ALMS1: variants seen among roughly 807,000 people sequenced by gnomAD.
ALMS1 encodes centrosome-associated protein ALMS1.
ALMS1 carries 271 observed loss-of-function variants against 352.2 expected under a neutral mutation model. That is an observed-to-expected ratio of 0.77 (90% CI 0.70 to 0.85). The LOEUF is 0.85. Among genes scored for constraint, ALMS1 ranks in the 40% least tolerant of loss-of-function variants. The pLI is 0.00. For synonymous variants in ALMS1, 1,865 were observed against 1,761.2 expected, an observed-to-expected ratio of 1.06 and a Z score of -1.48; for missense variants, 5,445 against 4,870.7, an observed-to-expected ratio of 1.12 and a Z score of -3.51.
chr2:73,509,858 C>T (rs1673413116), intron 10 of ALMS1, among the ~76,000 whole-genome samples: 1 of 152,164 alleles, frequency 6.6e-6, no homozygotes, highest in Non-Finnish European at 1.5e-5. Flanking sequence ...GAGTGTTTTC[C>T]AACTTGGTTC....
Position 73,449,424 on chromosome 2 carries a change from A to C in ALMS1, c.2897A>C (p.Gln966Pro). ...SHSEKSSVFYQQELPDSDLPR... is the reference protein window; with the variant it reads ...SHSEKSSVFYPQELPDSDLPR... ...AGCGAGAAATCTAGTGTTTTCTACC[A>C]GCAAGAGTTGCCAGACAGTGATCTA... The change falls in exon 8 of 23, where the codon CAG becomes CCG. Residue 966 changes from glutamine (Q) to proline (P), a missense_variant. Gln to Pro is a moderately conservative substitution (Grantham distance 76). Transcript: ENST00000613296. 1.2e-6 allele frequency: 2 copies of C among 1,614,084 alleles called. No homozygotes were observed. Among genetic ancestry groups the C allele is most frequent in the Non-Finnish European group, 1.7e-6 (2 of 1,179,980 alleles).
intron 9 of ALMS1, among the ~76,000 whole-genome samples, chr2:73,482,203 T>G (rs1474366908): frequency 1.3e-5 from 2 of 152,246 alleles, no homozygotes; most frequent in African/African-American, 4.8e-5. Flanking sequence ...AGTATGATAT[T>G]GGCTGTGGGT....
At chr2:73,418,546 C>T (rs1276656111) in intron 2 of ALMS1, among the ~76,000 whole-genome samples, 5 of 152,242 alleles carry the variant, frequency 3.3e-5, no homozygotes, top group Non-Finnish European at 7.3e-5. Context: ...AAAAATTTCC[C>T]AGGCAGCTGC....
rs1370649660 is a variant in ALMS1 at position 73,451,878 on chromosome 2, A to C, written c.5351A>C (p.Lys1784Thr). 2 of 1,613,714 alleles carry C rather than the reference A, an allele frequency of 1.2e-6. No homozygotes were observed. The highest frequency in any genetic ancestry group is 1.7e-5 in the Admixed American group (1 of 59,996). Residue 1784 changes from lysine to threonine, a missense_variant, in exon 8 of 23, where the codon AAA becomes ACA. Transcript: ENST00000613296. ...PDSHLTEEAL[K>T]VSNVPGPADQ... ...AGTCATCTAACTGAAGAGGCTCTGAAAGTTTCAAATGTTCCTGGACCAGCT... is the reference window on the plus strand; with the variant it reads ...AGTCATCTAACTGAAGAGGCTCTGACAGTTTCAAATGTTCCTGGACCAGCT...
chr2:73,405,534 G>T (rs563389107), intron 1 of ALMS1, among the ~76,000 whole-genome samples: 1 of 151,282 alleles, frequency 6.6e-6, no homozygotes, highest in African/African-American at 2.4e-5. Flanking sequence ...ATAACTATTG[G>T]TTTTCTTGAT....
At chr2:73,598,726 A>T (rs1478263874) in intron 16 of ALMS1, among the ~76,000 whole-genome samples, 1 of 152,172 alleles carries the variant, frequency 6.6e-6, no homozygotes, top group Non-Finnish European at 1.5e-5. Context: ...CTTATTAACG[A>T]TGGAGATATT....
At chr2:73,411,968 G>A (rs1307578940) in intron 2 of ALMS1, among the ~76,000 whole-genome samples, 1 of 152,110 alleles carries the variant, frequency 6.6e-6, no homozygotes. Flanking sequence ...TCCGGCTACT[G>A]CTTCGGTCAA....
intron 1 of ALMS1, among the ~76,000 whole-genome samples, chr2:73,404,046 C>T (rs531830670): frequency 6.6e-5 from 10 of 152,190 alleles, no homozygotes; most frequent in South Asian, 2.1e-4. Flanking sequence ...ACTACAGGCG[C>T]GCTGCCACAC....
intron 9 of ALMS1, among the ~76,000 whole-genome samples, chr2:73,471,628 AATC>A (rs1046221675): frequency 4.3e-4 from 66 of 151,920 alleles, no homozygotes; most frequent in Non-Finnish European, 7.4e-5. Flanking sequence ...CAATATCGCT[AATC>A]ATCAGGAAAA....
intron 9 of ALMS1, among the ~76,000 whole-genome samples, chr2:73,467,033 T>A (rs1246105): frequency 1.3e-5 from 2 of 151,974 alleles, no homozygotes; most frequent in East Asian, 1.9e-4. Context: ...TAGACTTTAC[T>A]TTGAAAGGTA....
At chr2:73,579,895 C>T (rs758242962) in intron 16 of ALMS1, among the ~76,000 whole-genome samples, 11 of 152,024 alleles carry the variant, frequency 7.2e-5, no homozygotes, top group African/African-American at 1.2e-4. Context: ...TGAGCTACTT[C>T]GATGTTTAGA....
intron 12 of ALMS1, among the ~76,000 whole-genome samples, chr2:73,546,699 G>A (rs1283130253): frequency 6.6e-6 from 1 of 152,330 alleles, no homozygotes; most frequent in Middle Eastern, 3.4e-3. Context: ...AATGAATTAG[G>A]TAGGCAGAGA....
Position 73,451,163 on chromosome 2 carries a change from G to T in ALMS1, c.4636G>T (p.Glu1546Ter), listed in dbSNP as rs1160581083. The change falls in exon 8 of 23, where the codon GAG becomes TAG. Residue 1546 changes from glutamate to a stop codon, truncating the protein, a stop_gained. Transcript: ENST00000613296. LOFTEE classifies it high-confidence loss of function. Reference sequence around the variant, plus strand: ...ATTGCTAGGTAGTCAAATACCTGAAGAGGCTCTCAGAGTTTCTTCTGCTCC... The same window carrying T: ...ATTGCTAGGTAGTCAAATACCTGAATAGGCTCTCAGAGTTTCTTCTGCTCC... ...LALLGSQIPEEALRVSSAPGP... is the reference protein window; with the variant it reads ...LALLGSQIPE 6.2e-7 allele frequency: 1 copy of T among 1,613,874 alleles called. No homozygotes were observed. Among genetic ancestry groups the T allele is most frequent in the Non-Finnish European group, 8.5e-7 (1 of 1,179,982 alleles).
chr2:73,399,379 G>C (rs1248432788), intron 1 of ALMS1, among the ~76,000 whole-genome samples: 1 of 152,086 alleles, frequency 6.6e-6, no homozygotes, highest in African/African-American at 2.4e-5. Context: ...ATTGGCTCAT[G>C]GTTCTGCAGA....
chr2:73,392,391 T>C (rs1670669109), intron 1 of ALMS1, among the ~76,000 whole-genome samples: 2 of 152,044 alleles, frequency 1.3e-5, no homozygotes, highest in Non-Finnish European at 2.9e-5. Context: ...TCACCTTTAA[T>C]TTAAAGTGCA....
intron 16 of ALMS1, among the ~76,000 whole-genome samples, chr2:73,591,844 A>G (rs903823110): frequency 1.3e-5 from 2 of 152,214 alleles, no homozygotes; most frequent in Non-Finnish European, 2.9e-5. Flanking sequence ...TTTGGGAAAC[A>G]TGCTGTCTCG....
Position 73,602,167 on chromosome 2 carries a change from C to CTT in ALMS1, c.12115-9_12115-8dup. 2.1e-6 allele frequency: 3 copies of CTT among 1,461,940 alleles called. No homozygotes were observed. The highest frequency in any genetic ancestry group is 2.5e-5 in the East Asian group (1 of 39,900). 90.6% of individuals were successfully genotyped at this position (1,461,940 alleles called of 1,614,324 possible). On this transcript the variant is annotated splice_polypyrimidine_tract_variant and intron_variant, in intron 19 of 22. Transcript: ENST00000613296. ...ATTAATCTGAGGCTGGGCATTTTCT[C>CTT]TTTTTTTTTTCTTTTAGGAATCGCT...
chr2:73,456,774 G>T (rs1326603775), intron 9 of ALMS1: 3 of 152,198 alleles, frequency 2.0e-5, no homozygotes, highest in African/African-American at 7.2e-5. Flanking sequence ...TGGGCAATTG[G>T]TTGTCTTAGC....
Position 73,451,088 on chromosome 2 carries a change from C to T in ALMS1, c.4561C>T (p.Pro1521Ser). The T allele has an allele frequency of 6.2e-7, 1 of 1,613,160 alleles. No homozygotes were observed. The change falls in exon 8 of 23, where the codon CCT (proline) becomes TCT (serine). Residue 1521 changes from proline (P) to serine (S), a missense_variant. Physicochemically the swap from Pro to Ser is moderately conservative, Grantham distance 74. Transcript: ENST00000613296. ...AACTGGCGCACCAACTATAACCTCT[C>T]CTTCCTACTCACAACATAGAGCAAA... ...QTTGAPTITS[P>S]SYSQHRAKSG...
Sources: allele counts gnomAD v4.1 joint callset (sites outside exome capture counted in the v4.1 genomes callset), GRCh38; gene constraint gnomAD v4.1.1; transcripts MANE v1.5; gene names NCBI Gene and HGNC (gene_info 2026-07-23, HGNC 2026-07-21).